Variants in ADK observed in about 807,000 individuals in gnomAD.
ADK encodes the protein adenosine kinase.
Under a neutral mutation model 44.7 loss-of-function variants are expected in ADK, and 24 were observed. The observed-to-expected ratio is 0.54, with a 90% CI of 0.39 to 0.76. The LOEUF (loss-of-function observed/expected upper bound fraction) is 0.76, where lower values mean the gene tolerates loss of function less well. ADK is among the 30% of genes least tolerant of loss of function. The probability of loss-of-function intolerance (pLI) is 0.00; values close to 1 mark genes in which losing one functional copy is unlikely to be tolerated. For missense variants in ADK, 321 were observed against 425.1 expected (o/e 0.76, Z 2.15); for synonymous variants, 128 against 142.6 (o/e 0.90, Z 0.73).
chr10:74,334,144 G>T (rs1320054675), intron 4 of ADK, among the ~76,000 whole-genome samples: 1 of 152,052 alleles, frequency 6.6e-6, no homozygotes, highest in Non-Finnish European at 1.5e-5. Context: ...CTTTCCCTGT[G>T]TCCCCTTTGT....
intron 6 of ADK, among the ~76,000 whole-genome samples, chr10:74,405,618 C>T (rs116379582): frequency 0.037 from 5,651 of 151,948 alleles, 312 homozygotes; most frequent in African/African-American, 0.12. Context: ...ACTGCACAAG[C>T]GAGGGATCTA....
intron 6 of ADK, among the ~76,000 whole-genome samples, chr10:74,507,333 C>T (rs1848120687): frequency 6.6e-6 from 1 of 152,132 alleles, no homozygotes; most frequent in East Asian, 1.9e-4. Flanking sequence ...GCTTTCTAGA[C>T]TGGGCACAGT....
At chr10:74,163,905 T>A (rs1018367153) in intron 1 of ADK, among the ~76,000 whole-genome samples, 5 of 152,260 alleles carry the variant, frequency 3.3e-5, no homozygotes, top group African/African-American at 1.2e-4. Flanking sequence ...TAGAATTTTT[T>A]AAAATAGTTT....
chr10:74,546,430 A>G (rs1442555810), intron 7 of ADK, among the ~76,000 whole-genome samples: 2 of 152,176 alleles, frequency 1.3e-5, no homozygotes, highest in African/African-American at 4.8e-5. Context: ...TTAGATTTAT[A>G]TTAACTCAGC....
intron 1 of ADK, among the ~76,000 whole-genome samples, chr10:74,178,211 G>T (rs1842417970): frequency 6.6e-6 from 1 of 151,902 alleles, no homozygotes; most frequent in Admixed American, 6.6e-5. Flanking sequence ...CAAAGTGTTG[G>T]GATTACAGGA....
chr10:74,301,543 A>G (rs1274780484), intron 3 of ADK, among the ~76,000 whole-genome samples: 1 of 151,002 alleles, frequency 6.6e-6, no homozygotes, highest in Non-Finnish European at 1.5e-5. Flanking sequence ...AAGTAACTTT[A>G]AACACCAATT....
At chr10:74,548,699 T>C (rs749427847) in intron 7 of ADK, among the ~76,000 whole-genome samples, 18 of 152,212 alleles carry the variant, frequency 1.2e-4, no homozygotes, top group Non-Finnish European at 2.4e-4. Flanking sequence ...GAACATAGTT[T>C]ATGTGAAATA....
intron 10 of ADK, among the ~76,000 whole-genome samples, chr10:74,686,066 A>C (rs1468755935): frequency 6.6e-6 from 1 of 151,990 alleles, no homozygotes; most frequent in African/African-American, 2.4e-5. Context: ...GGTTCACGCT[A>C]TTCTCCTTCC....
intron 6 of ADK, among the ~76,000 whole-genome samples, chr10:74,468,328 A>G (rs1350257460): frequency 6.6e-6 from 1 of 152,138 alleles, no homozygotes; most frequent in Non-Finnish European, 1.5e-5. Flanking sequence ...AACCTCCTTG[A>G]CTTTTATAGT....
At chr10:74,376,269 G>C (rs1013660792) in intron 4 of ADK, among the ~76,000 whole-genome samples, 1 of 151,940 alleles carries the variant, frequency 6.6e-6, no homozygotes, top group African/African-American at 2.4e-5. Flanking sequence ...AAATCATATT[G>C]ATATTTTCAA....
intron 1 of ADK, 63 bp downstream of exon 1, chr10:74,151,406 G>A: frequency 6.6e-7 from 1 of 1,516,936 alleles, no homozygotes; most frequent in Non-Finnish European, 8.9e-7. Context: ...GGCCCACGTG[G>A]GGTTGCACGG....
At chr10:74,404,231 A>G (rs751097972) in intron 6 of ADK, among the ~76,000 whole-genome samples, 15 of 151,698 alleles carry the variant, frequency 9.9e-5, no homozygotes, top group Non-Finnish European at 2.2e-4. Context: ...CTTACAATAC[A>G]TACATTTTAC....
chr10:74,189,028 C>T (rs1842870415), intron 1 of ADK, among the ~76,000 whole-genome samples: 1 of 152,126 alleles, frequency 6.6e-6, no homozygotes, highest in Non-Finnish European at 1.5e-5. Flanking sequence ...ACCTTGGCCC[C>T]CCAAAGTGCC....
At chr10:74,490,558 A>C (rs1847440565) in intron 6 of ADK, among the ~76,000 whole-genome samples, 2 of 152,144 alleles carry the variant, frequency 1.3e-5, no homozygotes, top group Admixed American at 1.3e-4. Flanking sequence ...TTAGGAGCCT[A>C]TATTAAGCTT....
At chr10:74,160,313 C>T (rs371224112) in intron 1 of ADK, among the ~76,000 whole-genome samples, 1 of 152,318 alleles carries the variant, frequency 6.6e-6, no homozygotes, top group African/African-American at 2.4e-5. Flanking sequence ...CTAGAAATTT[C>T]TGCATAATCT....
intron 6 of ADK, among the ~76,000 whole-genome samples, chr10:74,404,378 C>T (rs1359944952): frequency 2.6e-5 from 4 of 151,838 alleles, no homozygotes; most frequent in African/African-American, 9.7e-5. Flanking sequence ...CTCTTTATTC[C>T]TTTTGGTTAG....
chr10:74,554,311 A>G (rs1277480765), intron 7 of ADK, among the ~76,000 whole-genome samples: 2 of 152,152 alleles, frequency 1.3e-5, no homozygotes, highest in Admixed American at 6.5e-5. Context: ...GATCCTGCCA[A>G]TCCTCTGCAG....
At chr10:74,694,486 T>G (rs1856105505) in intron 10 of ADK, among the ~76,000 whole-genome samples, 1 of 152,080 alleles carries the variant, frequency 6.6e-6, no homozygotes, top group South Asian at 2.1e-4. Context: ...GGTTTTTTGT[T>G]TGTTTGTTTT....
At chr10:74,271,811 T>G (rs371254975) in intron 3 of ADK, among the ~76,000 whole-genome samples, 1 of 152,152 alleles carries the variant, frequency 6.6e-6, no homozygotes, top group East Asian at 1.9e-4. Context: ...TATATCTTTT[T>G]TCTTTAATAG....
Sources: allele counts gnomAD v4.1 joint callset (sites outside exome capture counted in the v4.1 genomes callset), GRCh38; gene constraint gnomAD v4.1.1; transcripts MANE v1.5; gene names NCBI Gene and HGNC (gene_info 2026-07-23, HGNC 2026-07-21).